The following ITGA11 variants were observed in gnomAD, a reference collection of about 807,000 sequenced individuals.
ITGA11 encodes integrin alpha-11.
ITGA11 carries 97 observed loss-of-function variants against 141.9 expected under a neutral mutation model. The ratio of observed to expected loss-of-function variants is 0.68; its 90% CI spans 0.58 to 0.81. ITGA11 has a LOEUF of 0.81. ITGA11 is among the 30% of genes least tolerant of loss of function. The probability of loss-of-function intolerance (pLI) is 0.00; values close to 1 mark genes in which losing one functional copy is unlikely to be tolerated. For missense variants in ITGA11, 1,387 were observed against 1,559.2 expected (o/e 0.89, Z 1.86); for synonymous variants, 658 against 624.6 (o/e 1.05, Z -0.80).
Position 68,335,887 on chromosome 15 carries a change from T to C in ITGA11, c.1277-42A>G. Reference sequence around the variant, plus strand: ...CAGGCTGATCTTTGGCACCGTGTCCTCAGCAGGCGTTGCTTGGCCCGGTGC... The same window carrying C: ...CAGGCTGATCTTTGGCACCGTGTCCCCAGCAGGCGTTGCTTGGCCCGGTGC... On this transcript the variant is annotated intron_variant, in intron 11 of 29. Transcript: ENST00000315757. This position sits in a 1 kb window ranked among gnomAD's most constrained non-coding sequence, Gnocchi z 4.9. The C allele has an allele frequency of 6.3e-7, 1 of 1,592,078 alleles. No homozygotes were observed. Among genetic ancestry groups the C allele is most frequent in the Non-Finnish European group, 8.6e-7 (1 of 1,168,686 alleles).
chr15:68,375,338 G>T lies in ITGA11; in HGVS notation c.165-6054C>A, dbSNP rs1160305570. On this transcript the variant is annotated intron_variant, in intron 2 of 29. Transcript: ENST00000315757. ...CGAGAGCTCGAGGGAACAAAGGAGAGATTATTCCTTTAGTGAGGCCTTTCT... is the reference window on the plus strand; with the variant it reads ...CGAGAGCTCGAGGGAACAAAGGAGATATTATTCCTTTAGTGAGGCCTTTCT... 2.6e-5 allele frequency among the ~76,000 whole-genome samples: 4 copies of T among 152,364 alleles called. No homozygotes were observed. In the East Asian group the frequency reaches 7.7e-4, roughly 29 times the overall value.
At chr15:68,398,472 C>A (rs1029818878) in intron 2 of ITGA11, among the ~76,000 whole-genome samples, 5 of 150,790 alleles carry the variant, frequency 3.3e-5, no homozygotes, top group African/African-American at 4.9e-5. Flanking sequence ...TATATATGCA[C>A]CCAATACAGG....
Position 68,350,799 on chromosome 15 carries a change from G to T in ITGA11, c.895-17C>A. 1 of 1,605,766 alleles carries T rather than the reference G, an allele frequency of 6.2e-7. No individual in the cohort carries two copies. The highest frequency in any genetic ancestry group is 8.5e-7 in the Non-Finnish European group (1 of 1,175,644). ...GCCCAGGACCTGCCAGGGAACAGGG[G>T]CAGGAACCACAAACCAGAACATAGC... On this transcript the variant is annotated splice_polypyrimidine_tract_variant and intron_variant, in intron 8 of 29. Transcript: ENST00000315757.
intron 1 of ITGA11, among the ~76,000 whole-genome samples, chr15:68,409,424 T>G (rs1896718796): frequency 1.3e-5 from 2 of 151,900 alleles, no homozygotes; most frequent in African/African-American, 4.8e-5. Context: ...TCAGTACCTG[T>G]TGGCTCCTCC....
chr15:68,388,653 T>G (rs902230909), intron 2 of ITGA11, among the ~76,000 whole-genome samples: 1 of 152,222 alleles, frequency 6.6e-6, no homozygotes, highest in Non-Finnish European at 1.5e-5. Flanking sequence ...GAATTACTGC[T>G]GCTCATAAAG....
chr15:68,365,547 GGTGTGT>G (rs58398705), intron 3 of ITGA11: 2,266 of 149,038 alleles, frequency 0.015, 32 homozygotes, highest in Middle Eastern at 0.099. Context: ...AGTGTGTTGG[GGTGTGT>G]GTGTGTGTGT....
chr15:68,361,994 C>A, intron 4 of ITGA11: 1 of 307,192 alleles, frequency 3.3e-6, no homozygotes, highest in Non-Finnish European at 6.2e-6. Flanking sequence ...ACTTCTTCAC[C>A]CTACCTGCCC....
intron 26 of ITGA11, 112 bp downstream of exon 26, chr15:68,310,882 T>C: frequency 2.6e-6 from 2 of 765,720 alleles, no homozygotes; most frequent in South Asian, 1.6e-5. Context: ...ATACAGGTGC[T>C]CAGTAAGCTC....
At chr15:68,347,669 T>C (rs1488485311) in intron 10 of ITGA11, among the ~76,000 whole-genome samples, 1 of 152,062 alleles carries the variant, frequency 6.6e-6, no homozygotes, top group Non-Finnish European at 1.5e-5. Context: ...CTGCTTGGTG[T>C]AGAGGAAAGA....
At chr15:68,393,665 A>G (rs1489085143) in intron 2 of ITGA11, among the ~76,000 whole-genome samples, 1 of 152,152 alleles carries the variant, frequency 6.6e-6, no homozygotes, top group East Asian at 1.9e-4. Flanking sequence ...CAGAAAACCC[A>G]ACTCCCAAGG....
Position 68,325,109 on chromosome 15 carries a change from C to CGTGCCCTGTACCGAGATGT in ITGA11, c.2322+3_2322+21dup, listed in dbSNP as rs1316886779. The CGTGCCCTGTACCGAGATGT allele has an allele frequency of 2.5e-6, 4 of 1,573,790 alleles. No individual in the cohort carries two copies. The African/African-American group carries it at 5.4e-5, about 21-fold the overall frequency. ...GGGGGTGGGGTTCATGCCCGAGGTG[C>CGTGCCCTGTACCGAGATGT]GTGCCCTGTACCGAGATGTACCGAG... On this transcript the variant is annotated intron_variant, in intron 18 of 29. Coordinates refer to ENST00000315757, the MANE Select transcript of ITGA11 (RefSeq NM_001004439.2). The surrounding 1 kb of genome is among the most constrained non-coding windows in gnomAD (Gnocchi z 5.5).
intron 10 of ITGA11, 45 bp downstream of exon 10, chr15:68,348,785 C>T (rs534150303): frequency 1.1e-4 from 172 of 1,537,652 alleles, no homozygotes; most frequent in East Asian, 4.7e-4. Context: ...AGCATGCCCT[C>T]GAGAGACAGA....
At chr15:68,342,591 G>A (rs111419378) in intron 10 of ITGA11, among the ~76,000 whole-genome samples, 67 of 152,268 alleles carry the variant, frequency 4.4e-4, no homozygotes, top group African/African-American at 1.2e-3. Context: ...GCTGAGCTGC[G>A]TGCTCCCAGG....
chr15:68,317,485 T>C (rs1020612472), intron 20 of ITGA11, 122 bp from the exon 21 acceptor site: 38 of 720,626 alleles, frequency 5.3e-5, no homozygotes, highest in African/African-American at 5.2e-4. Flanking sequence ...CTGATACCCA[T>C]ATGAAAGCCT....
chr15:68,331,486 A>C (rs1041737299), intron 14 of ITGA11, among the ~76,000 whole-genome samples: 4 of 151,776 alleles, frequency 2.6e-5, no homozygotes, highest in African/African-American at 4.8e-5. Flanking sequence ...TGAGGTGGGC[A>C]TGGTTTCTAG....
intron 3 of ITGA11, chr15:68,365,400 G>T: frequency 1.1e-6 from 1 of 911,282 alleles, no homozygotes; most frequent in Non-Finnish European, 1.3e-6. Context: ...TAGGAGCTGG[G>T]TTATCAGCCT....
chr15:68,398,623 TATGGTATAAAATGA>T (rs1720442384), intron 2 of ITGA11, among the ~76,000 whole-genome samples: 1 of 148,174 alleles, frequency 6.7e-6, no homozygotes, highest in Non-Finnish European at 1.5e-5. Flanking sequence ...TAAATATTTT[TATGGTATAAAATGA>T]ATAGTATAAA....
In ITGA11 at chr15:68,321,528, G is replaced by A; in HGVS notation, c.2323-25C>T. On this transcript the variant is annotated intron_variant, in intron 18 of 29. Coordinates refer to ENST00000315757, the MANE Select transcript of ITGA11 (RefSeq NM_001004439.2). This position sits in a 1 kb window ranked among gnomAD's most constrained non-coding sequence, Gnocchi z 4.9. The stretch of plus-strand genomic sequence containing the variant: ...CCTGGGCCAGGGAGAGCCAGGTGTG[G>A]GCAGCTGGGTAGGGACCCGCAGCCC... The A allele has an allele frequency of 6.4e-7, 1 of 1,551,066 alleles. No individual in the cohort carries two copies. The highest frequency in any genetic ancestry group is 8.8e-7 in the Non-Finnish European group (1 of 1,137,408).
Position 68,326,254 on chromosome 15 carries a change from C to T in ITGA11, c.2211+400G>A, listed in dbSNP as rs898849411. 1.5e-4 allele frequency among the ~76,000 whole-genome samples: 23 copies of T among 152,210 alleles called. No individual in the cohort carries two copies. Among genetic ancestry groups the T allele is most frequent in the Admixed American group, 1.2e-3 (19 of 15,284 alleles). ...CCCTACTTGTGACATCACTGGCGCC[C>T]CTCTCTGTCTCACCTCCTGTTTTGT... On this transcript the variant is annotated intron_variant, in intron 17 of 29. Transcript: ENST00000315757. The surrounding 1 kb of genome is among the most constrained non-coding windows in gnomAD (Gnocchi z 6.8).
Sources: allele counts gnomAD v4.1 joint callset (sites outside exome capture counted in the v4.1 genomes callset), GRCh38; gene constraint gnomAD v4.1.1; non-coding constraint Gnocchi (gnomAD v3.1); transcripts MANE v1.5; gene names NCBI Gene and HGNC (gene_info 2026-07-23, HGNC 2026-07-21).